ZNF561: variants seen among roughly 807,000 people sequenced by gnomAD.
ZNF561 encodes zinc finger protein 561.
Under a neutral mutation model 16.7 loss-of-function variants are expected in ZNF561, and 16 were observed. That is an observed-to-expected ratio of 0.96 (90% CI 0.65 to 1.45). The LOEUF is 1.45. ZNF561 is among the 40% of genes most tolerant of loss of function. ZNF561 has a pLI of 0.00. For missense variants in ZNF561, 580 were observed against 578.0 expected, an observed-to-expected ratio of 1.00 and a Z score of -0.04; for synonymous variants, 190 against 192.1, an observed-to-expected ratio of 0.99 and a Z score of 0.09.
chr19:9,619,802 T>C (rs1358856556), intron 1 of ZNF561, among the ~76,000 whole-genome samples: 1 of 152,204 alleles, frequency 6.6e-6, no homozygotes, highest in Non-Finnish European at 1.5e-5. Context: ...GCTCAGTTAA[T>C]TATCATAGCC....
intron 3 of ZNF561, chr19:9,617,704 C>A (rs1339839569): frequency 1.1e-5 from 5 of 457,294 alleles, no homozygotes; most frequent in African/African-American, 1.0e-4. Context: ...AGGCTAGGAG[C>A]TCTTCCTGTC....
intron 2 of ZNF561, 142 bp from the exon 3 acceptor site, chr19:9,618,321 G>T: frequency 1.2e-6 from 1 of 860,552 alleles, no homozygotes; most frequent in Non-Finnish European, 1.7e-6. Context: ...ACACTTCCAT[G>T]AAATGCCATA....
chr19:9,616,937 T>C (rs1311477359), intron 4 of ZNF561, 108 bp downstream of exon 4: 4 of 1,416,924 alleles, frequency 2.8e-6, no homozygotes, highest in South Asian at 3.0e-5. Context: ...ATGTTGCCCA[T>C]GCTAGTATCA....
At chr19:9,618,325 T>G in intron 2 of ZNF561, 146 bp from the exon 3 acceptor site, 1 of 849,898 alleles carries the variant, frequency 1.2e-6, no homozygotes, top group Non-Finnish European at 1.8e-6. Flanking sequence ...TTCCATGAAA[T>G]GCCATAGTAA....
intron 3 of ZNF561, 93 bp from the exon 4 acceptor site, chr19:9,617,264 A>G: frequency 6.8e-7 from 1 of 1,468,578 alleles, no homozygotes; most frequent in African/African-American, 1.4e-5. Flanking sequence ...ACTCACTTAC[A>G]CGTGGTTGTC....
chr19:9,613,916 G>T, intron 5 of ZNF561, 105 bp downstream of exon 5: 1 of 1,387,114 alleles, frequency 7.2e-7, no homozygotes, highest in Non-Finnish European at 1.0e-6. Context: ...CAAATAGCTG[G>T]GATTACAGAT....
At chr19:9,615,524 G>A (rs1045661970) in intron 4 of ZNF561, among the ~76,000 whole-genome samples, 1 of 152,020 alleles carries the variant, frequency 6.6e-6, no homozygotes, top group African/African-American at 2.4e-5. Flanking sequence ...CTGAACCTGG[G>A]AGGGCAGAGG....
rs1203851523 is a variant in ZNF561 at position 9,614,004 on chromosome 19, T to A, written c.324+17A>T. The A allele has an allele frequency of 6.2e-7, 1 of 1,610,574 alleles. No homozygotes were observed. The highest frequency in any genetic ancestry group is 1.1e-5 in the South Asian group (1 of 90,776). Reference sequence around the variant, plus strand: ...TTCTAAGAGAGGAAATTAAGAAATATCCCTCATGAATCTTACCATTTGTAT... The same window carrying A: ...TTCTAAGAGAGGAAATTAAGAAATAACCCTCATGAATCTTACCATTTGTAT... On this transcript the variant is annotated intron_variant, in intron 5 of 5. Transcript: ENST00000302851.
At chr19:9,620,165 T>C (rs913256876) in intron 1 of ZNF561, among the ~76,000 whole-genome samples, 3 of 152,194 alleles carry the variant, frequency 2.0e-5, no homozygotes, top group South Asian at 2.1e-4. Context: ...TCTCAACTCA[T>C]TGCAACCTCT....
chr19:9,611,127 A>C lies in ZNF561; in HGVS notation c.534T>G (p.Phe178Leu). 6.2e-7 allele frequency: 1 copy of C among 1,614,060 alleles called. No homozygotes were observed. The highest frequency in any genetic ancestry group is 1.3e-5 in the African/African-American group (1 of 75,046). The change falls in exon 6 of 6, where the codon TTT becomes TTG. Residue 178 changes from phenylalanine to leucine, a missense_variant. Phe to Leu is a conservative substitution (Grantham distance 22). Transcript: ENST00000302851. ...LSKFNPCGKV[F>L]TLTPGLAVHL... ...GTACAGCAAGACCTGGAGTTAGAGT[A>C]AAGACTTTTCCACATGGATTAAATT...
intron 1 of ZNF561, among the ~76,000 whole-genome samples, chr19:9,620,293 T>C (rs545524979): frequency 9.2e-5 from 14 of 152,230 alleles, no homozygotes; most frequent in Middle Eastern, 3.4e-3. Context: ...TTTCGCCATA[T>C]TGGCCAGGCT....
rs1295333055 is a variant in ZNF561, at chr19:9,610,616, A to C, written c.1045T>G (p.Tyr349Asp). Residue 349 changes from tyrosine (Y) to aspartate (D), a missense_variant, in exon 6 of 6, where the codon TAC (tyrosine) becomes GAC (aspartate). Tyr to Asp is a radical substitution (Grantham distance 160). Transcript: ENST00000302851. ...CGTATGTGTATAGAAAGGCCCGAGT[A>C]CTGAGCAAAGGCTTGGCCACATTCC... ...CKECGQAFAQ[Y>D]SGLSIHIRSH... is the part of the protein sequence containing the mutation. The C allele has an allele frequency of 6.2e-7, 1 of 1,613,856 alleles. No individual in the cohort carries two copies. Among genetic ancestry groups the C allele is most frequent in the African/African-American group, 1.3e-5 (1 of 74,938 alleles).
rs545245061 is a variant in ZNF561, at chr19:9,609,493, T to A, written c.*707A>T. On this transcript the variant is annotated 3_prime_UTR_variant, in exon 6 of 6. Coordinates refer to ENST00000302851, the MANE Select transcript of ZNF561 (RefSeq NM_152289.3). ...AATGCAAAAATTAGAAAACTTGTAC[T>A]GAAGAGAATCCTCAAAGTGTGGCTG... 6.6e-6 allele frequency: 1 copy of A among 152,296 alleles called. No individual in the cohort carries two copies. 9.4% of individuals were successfully genotyped at this position (152,296 alleles called of 1,614,324 possible).
chr19:9,614,141 GAAGAAA>G (rs779748894), intron 4 of ZNF561, 38 bp from the exon 5 acceptor site: 1 of 1,604,386 alleles, frequency 6.2e-7, no homozygotes. Flanking sequence ...AGGATTTAGA[GAAGAAA>G]TATTCATTTA....
At chr19:9,616,922 T>C (rs962362535) in intron 4 of ZNF561, 123 bp downstream of exon 4, 87 of 1,328,514 alleles carry the variant, frequency 6.5e-5, no homozygotes, top group Middle Eastern at 2.1e-4. Context: ...AGACAAGGTA[T>C]CACAATGTTG....
At position 9,619,522 on chromosome 19, in the gene ZNF561, T is replaced by C; in HGVS notation, c.-66A>G. 1.3e-6 allele frequency: 2 copies of C among 1,579,550 alleles called. No individual in the cohort carries two copies. Among genetic ancestry groups the C allele is most frequent in the Non-Finnish European group, 1.7e-6 (2 of 1,151,384 alleles). ...GATGCCAAGATCACCTCAGGCCAGC[T>C]TATGAATCTAGGTGGATAGAGGCAA... On this transcript the variant is annotated 5_prime_UTR_variant, in exon 2 of 6. The change abolishes the stop of an existing upstream ORF in the 5' untranslated region. Coordinates refer to ENST00000302851, the MANE Select transcript of ZNF561 (RefSeq NM_152289.3).
Position 9,609,985 on chromosome 19 carries a change from C to T in ZNF561, c.*215G>A, listed in dbSNP as rs2074416003. 8.6e-6 allele frequency: 4 copies of T among 467,468 alleles called. No homozygotes were observed. The highest frequency in any genetic ancestry group is 1.5e-5 in the Non-Finnish European group (4 of 264,404). 29.0% of individuals were successfully genotyped at this position (467,468 alleles called of 1,614,324 possible). ...AATCTAATCACCAAGGTGAGGCAGC[C>T]TGCAGTACTGACCTCACCATCCATG... is the stretch of plus-strand genomic sequence containing the variant. On this transcript the variant is annotated 3_prime_UTR_variant, in exon 6 of 6. Transcript: ENST00000302851.
At chr19:9,617,202 C>T (rs776131954) in intron 3 of ZNF561, 31 bp from the exon 4 acceptor site, 6 of 1,602,522 alleles carry the variant, frequency 3.7e-6, no homozygotes, top group Non-Finnish European at 5.1e-6. Flanking sequence ...TGGTTTGAGC[C>T]AATGAACACT....
chr19:9,612,344 C>T (rs1021336956), intron 5 of ZNF561, among the ~76,000 whole-genome samples: 30 of 151,932 alleles, frequency 2.0e-4, no homozygotes, highest in African/African-American at 6.0e-4. Context: ...ATCAGCCTCG[C>T]GAATAGCTGG....
Sources: allele counts gnomAD v4.1 joint callset (sites outside exome capture counted in the v4.1 genomes callset), GRCh38; gene constraint gnomAD v4.1.1; transcripts MANE v1.5; gene names NCBI Gene and HGNC (gene_info 2026-07-23, HGNC 2026-07-21).